The following TIE1 variants were observed in gnomAD, a reference collection of about 807,000 sequenced individuals.
The protein encoded by TIE1 is tyrosine kinase with immunoglobulin like and EGF like domains 1, also known as tyrosine-protein kinase receptor Tie-1.
TIE1 carries 89 observed loss-of-function variants against 130.5 expected under a neutral mutation model. That is an observed-to-expected ratio of 0.68 (90% confidence interval 0.57 to 0.81). The LOEUF is 0.81. Among genes scored for constraint, TIE1 ranks in the 40% least tolerant of loss-of-function variants. The pLI, the probability that TIE1 is intolerant of heterozygous loss-of-function variation, is 0.00. For missense variants in TIE1, 1,392 were observed against 1,559.8 expected (o/e 0.89, Z 1.81); for synonymous variants, 568 against 629.4 (o/e 0.90, Z 1.46).
intron 1 of TIE1, among the ~76,000 whole-genome samples, chr1:43,301,450 C>T (rs531696956): frequency 6.7e-5 from 10 of 150,054 alleles, no homozygotes; most frequent in African/African-American, 1.5e-4. Flanking sequence ...AGTGAGACCC[C>T]GTCTCCATTG....
rs1293663716 is a variant in TIE1, at chr1:43,317,153, T to C, written c.2410-46T>C. ...CTGTCTGTGCCTCCTTCCGCCCCCT[T>C]TGACTCTTGCGTGGACCGTCTGCCC... On this transcript the variant is annotated intron_variant, in intron 14 of 22. Coordinates refer to ENST00000372476, the MANE Select transcript of TIE1 (RefSeq NM_005424.5). This position sits in a 1 kb window ranked among gnomAD's most constrained non-coding sequence, Gnocchi z 5.1. The C allele has an allele frequency of 1.7e-5, 28 of 1,601,972 alleles. No homozygotes were observed. Among genetic ancestry groups the C allele is most frequent in the Non-Finnish European group, 2.4e-5 (28 of 1,170,198 alleles).
At position 43,307,987 on chromosome 1, in the gene TIE1, C is replaced by T; in HGVS notation, c.1042+63C>T. 3.8e-6 allele frequency: 6 copies of T among 1,597,020 alleles called. No homozygotes were observed. The highest frequency in any genetic ancestry group is 3.4e-6 in the Non-Finnish European group (4 of 1,168,760). On this transcript the variant is annotated intron_variant, in intron 7 of 22. Transcript: ENST00000372476. This position sits in a 1 kb window ranked among gnomAD's most constrained non-coding sequence, Gnocchi z 5.4. ...AGTCGGCCTTTACCAAACACATCTC[C>T]CCGGTGGAAGAGAGTAGTCCCTCCT...
Position 43,307,173 on chromosome 1 carries a change from T to C in TIE1, c.672T>C (p.Cys224=). ...GGGCTGGGCGCTGGGGGCCAGGCTG[T>C]ACCAAGGAGTGCCCAGGTTGCCTAC... ...GCGAGRWGPG[C]TKECPGCLHG... The change falls in exon 5 of 23, where the codon TGT becomes TGC. Residue 224 remains cysteine (C), a synonymous_variant. Coordinates refer to ENST00000372476, the MANE Select transcript of TIE1 (RefSeq NM_005424.5). This position sits in a 1 kb window ranked among gnomAD's most constrained non-coding sequence, Gnocchi z 5.4. The C allele has an allele frequency of 1.2e-6, 2 of 1,614,096 alleles. No homozygotes were observed. Among genetic ancestry groups the C allele is most frequent in the Non-Finnish European group, 1.7e-6 (2 of 1,179,978 alleles).
intron 19 of TIE1, chr1:43,320,361 G>C (rs1201670924): frequency 6.6e-6 from 1 of 152,244 alleles, no homozygotes; most frequent in African/African-American, 2.4e-5. Flanking sequence ...GTTGGTGTGA[G>C]GGTTAAATGA....
chr1:43,317,912 C>T lies in TIE1; in HGVS notation c.2762C>T (p.Pro921Leu). Residue 921 changes from proline to leucine, a missense_variant, in exon 17 of 23, where the codon CCC (proline) becomes CTC (leucine). Around this residue, in one of 6 missense-constraint regions of TIE1, gnomAD observed 286 missense variants for 354.4 expected, o/e 0.81. Coordinates refer to ENST00000372476, the MANE Select transcript of TIE1 (RefSeq NM_005424.5). This position sits in a 1 kb window ranked among gnomAD's most constrained non-coding sequence, Gnocchi z 5.1. ...GYLYIAIEYA[P>L]YGNLLDFLRK... ...TTGTATATCGCTATTGAATATGCCC[C>T]CTACGGGAACCTGCTAGATTTTCTG... is the stretch of plus-strand genomic sequence containing the variant. 1 of 1,614,168 alleles carries T rather than the reference C, an allele frequency of 6.2e-7. No homozygotes were observed. The highest frequency in any genetic ancestry group is 8.5e-7 in the Non-Finnish European group (1 of 1,180,002).
chr1:43,312,201 G>C lies in TIE1; in HGVS notation c.1630+70G>C. ...TTTCCCGTCGACCCCAGGGACCCCT[G>C]CCTTTCCCACTGGAGGTTGTTCTTC... On this transcript the variant is annotated intron_variant, in intron 11 of 22. Coordinates refer to ENST00000372476, the MANE Select transcript of TIE1 (RefSeq NM_005424.5). The surrounding 1 kb of genome is among the most constrained non-coding windows in gnomAD (Gnocchi z 5.6). 6.6e-7 allele frequency: 1 copy of C among 1,513,386 alleles called. No individual in the cohort carries two copies. Among genetic ancestry groups the C allele is most frequent in the South Asian group, 1.3e-5 (1 of 74,256 alleles). The allele number at this position is 1,513,386 out of a possible 1,614,324, so 93.7% of individuals were successfully genotyped here.
chr1:43,319,212 C>G lies in TIE1; in HGVS notation c.2923-23C>G, dbSNP rs1298337720. On this transcript the variant is annotated intron_variant, in intron 17 of 22. Transcript: ENST00000372476. The surrounding 1 kb of genome is among the most constrained non-coding windows in gnomAD (Gnocchi z 4.7). The stretch of plus-strand genomic sequence containing the variant: ...TGGGCTCCCTCATCCCCAGTCTCTC[C>G]TGACTTCTGACCCTGCCTACAGTTC... 3.1e-6 allele frequency: 5 copies of G among 1,596,170 alleles called. No individual in the cohort carries two copies. Among genetic ancestry groups the G allele is most frequent in the Non-Finnish European group, 3.4e-6 (4 of 1,163,780 alleles).
At position 43,319,945 on chromosome 1, in the gene TIE1, C is replaced by A; in HGVS notation, c.3107+416C>A. ...AGACTCCCTCTCTGTGCCCCCTCCC[C>A]TGCAGACAGCCCTCTTGGCACACTC... On this transcript the variant is annotated intron_variant, in intron 19 of 22. Transcript: ENST00000372476. The surrounding 1 kb of genome is among the most constrained non-coding windows in gnomAD (Gnocchi z 4.7). 3.9e-6 allele frequency: 1 copy of A among 258,312 alleles called. No individual in the cohort carries two copies. Among genetic ancestry groups the A allele is most frequent in the Non-Finnish European group, 7.7e-6 (1 of 130,624 alleles). The allele number at this position is 258,312 out of a possible 1,614,324, so 16.0% of individuals were successfully genotyped here.
chr1:43,309,667 G>A lies in TIE1; in HGVS notation c.1333+135G>A, dbSNP rs1245847966. 4.7e-6 allele frequency: 6 copies of A among 1,283,094 alleles called. No individual in the cohort carries two copies. The highest frequency in any genetic ancestry group is 6.1e-6 in the Non-Finnish European group (6 of 980,030). The allele number at this position is 1,283,094 out of a possible 1,614,324, so 79.5% of individuals were successfully genotyped here. A position where few individuals can be genotyped will look rare whatever the true frequency, so the allele number is the denominator to read the frequency against. ...TAGCCTAGCACCAGACAAAAAGCGG[G>A]GTTGTGGTCAACCAGAGGTCCGGGC... On this transcript the variant is annotated intron_variant, in intron 9 of 22. Transcript: ENST00000372476. This position sits in a 1 kb window ranked among gnomAD's most constrained non-coding sequence, Gnocchi z 6.3.
At position 43,322,943 on chromosome 1, in the gene TIE1, T is replaced by A. The variant is rs1327261944; in HGVS notation, c.*221T>A. The A allele has an allele frequency of 1.8e-6, 1 of 541,320 alleles. No individual in the cohort carries two copies. Among genetic ancestry groups the A allele is most frequent in the Non-Finnish European group, 3.3e-6 (1 of 301,938 alleles). 33.5% of individuals were successfully genotyped at this position (541,320 alleles called of 1,614,324 possible). ...CTATCCTGGGCATCCTTCTTTCTAG[T>A]TCAGCTGCCCCACAGGTGTGTTTCC... On this transcript the variant is annotated 3_prime_UTR_variant, in exon 23 of 23. Transcript: ENST00000372476. This position sits in a 1 kb window ranked among gnomAD's most constrained non-coding sequence, Gnocchi z 4.0.
In TIE1 at chr1:43,322,823, A is replaced by C; in HGVS notation, c.*101A>C. 2.5e-6 allele frequency: 3 copies of C among 1,180,852 alleles called. No homozygotes were observed. The highest frequency in any genetic ancestry group is 3.6e-6 in the Non-Finnish European group (3 of 828,004). The allele number at this position is 1,180,852 out of a possible 1,614,324, so 73.1% of individuals were successfully genotyped here. On this transcript the variant is annotated 3_prime_UTR_variant, in exon 23 of 23. Transcript: ENST00000372476. This position sits in a 1 kb window ranked among gnomAD's most constrained non-coding sequence, Gnocchi z 4.0. ...TACAGCCTCTGACTTAAGCTGCCTC[A>C]AGGAATTTTTTTAACTTAAGGGAGA... is the stretch of plus-strand genomic sequence containing the variant.
intron 1 of TIE1, among the ~76,000 whole-genome samples, chr1:43,301,688 G>A (rs1440408697): frequency 1.3e-5 from 2 of 151,910 alleles, no homozygotes; most frequent in Non-Finnish European, 2.9e-5. Context: ...GGCAAACATG[G>A]TGAAACCCCA....
Position 43,312,423 on chromosome 1 carries a change from C to T in TIE1, c.1749C>T (p.Arg583=). 1 of 1,610,970 alleles carries T rather than the reference C, an allele frequency of 6.2e-7. No homozygotes were observed. ...TGGTGGGCGACGGTTTCCTGCTGCG[C>T]CTGTGGGACGGGACACGGGGGCAGG... ...GPLVGDGFLL[R]LWDGTRGQER... The change falls in exon 12 of 23, where the codon CGC becomes CGT. Residue 583 remains arginine (R), a synonymous_variant. Coordinates refer to ENST00000372476, the MANE Select transcript of TIE1 (RefSeq NM_005424.5). This position sits in a 1 kb window ranked among gnomAD's most constrained non-coding sequence, Gnocchi z 5.6.
At position 43,317,765 on chromosome 1, in the gene TIE1, G is replaced by A; in HGVS notation, c.2731+91G>A. Reference sequence around the variant, plus strand: ...CATGAGTAGCTTGCCAGGGGCTGCTGGTGACCTGTGCACCACCCTTGATCC... The same window carrying A: ...CATGAGTAGCTTGCCAGGGGCTGCTAGTGACCTGTGCACCACCCTTGATCC... On this transcript the variant is annotated intron_variant, in intron 16 of 22. Coordinates refer to ENST00000372476, the MANE Select transcript of TIE1 (RefSeq NM_005424.5). The surrounding 1 kb of genome is among the most constrained non-coding windows in gnomAD (Gnocchi z 5.1). 1.4e-6 allele frequency: 2 copies of A among 1,467,264 alleles called. No homozygotes were observed. Among genetic ancestry groups the A allele is most frequent in the Non-Finnish European group, 1.9e-6 (2 of 1,066,168 alleles). The allele number at this position is 1,467,264 out of a possible 1,614,324, so 90.9% of individuals were successfully genotyped here. A position where few individuals can be genotyped will look rare whatever the true frequency, so the allele number is the denominator to read the frequency against.
rs760739342 is a variant in TIE1 at position 43,304,893 on chromosome 1, C to T, written c.101C>T (p.Thr34Met). 5 of 1,427,086 alleles carry T rather than the reference C, an allele frequency of 3.5e-6. No individual in the cohort carries two copies. Among genetic ancestry groups the T allele is most frequent in the African/African-American group, 2.9e-5 (2 of 67,932 alleles). The allele number at this position is 1,427,086 out of a possible 1,614,324, so 88.4% of individuals were successfully genotyped here. Reference sequence around the variant, plus strand: ...ACGCTGCTGGCCAACCTGCGGCTCACGGACCCCCAGCGCTTCTTCCTGACT... The same window carrying T: ...ACGCTGCTGGCCAACCTGCGGCTCATGGACCCCCAGCGCTTCTTCCTGACT... ...DLTLLANLRL[T>M]DPQRFFLTCV... The change falls in exon 2 of 23, where the codon ACG (threonine) becomes ATG (methionine). Residue 34 changes from threonine to methionine, a missense_variant. Physicochemically the swap from Thr to Met is moderately conservative, Grantham distance 81 (BLOSUM62 -1). Coordinates refer to ENST00000372476, the MANE Select transcript of TIE1 (RefSeq NM_005424.5).
chr1:43,316,233 C>A lies in TIE1; in HGVS notation c.2410-966C>A, dbSNP rs1646857236. 6.6e-6 allele frequency among the ~76,000 whole-genome samples: 1 copy of A among 152,194 alleles called. No homozygotes were observed. The highest frequency in any genetic ancestry group is 1.5e-5 in the Non-Finnish European group (1 of 68,034). ...GTCCCTATGCCTGTGCACCTTCAGG[C>A]CTGCATGTGTGTATGGACCTATACA... On this transcript the variant is annotated intron_variant, in intron 14 of 22. Coordinates refer to ENST00000372476, the MANE Select transcript of TIE1 (RefSeq NM_005424.5). The surrounding 1 kb of genome is among the most constrained non-coding windows in gnomAD (Gnocchi z 4.4).
chr1:43,309,087 C>A lies in TIE1; in HGVS notation c.1144C>A (p.Arg382=), dbSNP rs770395270. Residue 382 remains arginine, a synonymous_variant, in exon 8 of 23, where the codon CGG becomes AGG. Coordinates refer to ENST00000372476, the MANE Select transcript of TIE1 (RefSeq NM_005424.5). This position sits in a 1 kb window ranked among gnomAD's most constrained non-coding sequence, Gnocchi z 6.3. ...AGCTGCAGGGAACCCCTTCCCCGTGCGGGGCAGCATAGAGCTACGCAAGCC... is the reference window on the plus strand; with the variant it reads ...AGCTGCAGGGAACCCCTTCCCCGTGAGGGGCAGCATAGAGCTACGCAAGCC... ...CAAAGNPFPV[R]GSIELRKPDG... is the part of the protein sequence containing the mutation. 2 of 1,613,426 alleles carry A rather than the reference C, an allele frequency of 1.2e-6. No individual in the cohort carries two copies. Among genetic ancestry groups the A allele is most frequent in the Admixed American group, 3.3e-5 (2 of 59,948 alleles).
rs1227599466 is a variant in TIE1, at chr1:43,309,031, A to G, written c.1088A>G (p.Asn363Ser). ...ILNMASELEF[N>S]LETMPRINCA... ...AACATGGCCTCAGAACTGGAGTTCA[A>G]CTTAGAGACGATGCCCCGGATCAAC... The change falls in exon 8 of 23, where the codon AAC becomes AGC. Residue 363 changes from asparagine to serine, a missense_variant. Asn to Ser is a conservative substitution (Grantham distance 46). Transcript: ENST00000372476. The surrounding 1 kb of genome is among the most constrained non-coding windows in gnomAD (Gnocchi z 6.3). The G allele has an allele frequency of 1.2e-6, 2 of 1,613,950 alleles. No homozygotes were observed. The highest frequency in any genetic ancestry group is 1.3e-5 in the African/African-American group (1 of 74,904).
chr1:43,319,513 A>G lies in TIE1; in HGVS notation c.3091A>G (p.Thr1031Ala), dbSNP rs185150397. The change falls in exon 19 of 23, where the codon ACC becomes GCC. Residue 1031 changes from threonine to alanine, a missense_variant. By Grantham distance (58) the Thr-to-Ala change is moderately conservative (BLOSUM62 0). Coordinates refer to ENST00000372476, the MANE Select transcript of TIE1 (RefSeq NM_005424.5). This position sits in a 1 kb window ranked among gnomAD's most constrained non-coding sequence, Gnocchi z 4.7. Reference sequence around the variant, plus strand: ...TGAGTCCCTGAACTACAGTGTCTATACCACCAAGAGTGATGTGTGAGTGTG... The same window carrying G: ...TGAGTCCCTGAACTACAGTGTCTATGCCACCAAGAGTGATGTGTGAGTGTG... ...AIESLNYSVYTTKSDVWSFGV... is the reference protein window; with the variant it reads ...AIESLNYSVYATKSDVWSFGV... The G allele has an allele frequency of 6.2e-7, 1 of 1,613,956 alleles. No individual in the cohort carries two copies.
Sources: allele counts gnomAD v4.1 joint callset (sites outside exome capture counted in the v4.1 genomes callset), GRCh38; gene constraint gnomAD v4.1.1; regional missense constraint gnomAD v4.1.1; non-coding constraint Gnocchi (gnomAD v3.1); transcripts MANE v1.5; gene names NCBI Gene and HGNC (gene_info 2026-07-23, HGNC 2026-07-21).